The following LRRC4C variants were observed in gnomAD, a reference collection of about 807,000 sequenced individuals.
LRRC4C encodes leucine-rich repeat-containing protein 4C.
LRRC4C carries 5 observed loss-of-function variants against 33.6 expected under a neutral mutation model. That is an observed-to-expected ratio of 0.15 (90% CI 0.08 to 0.31). LRRC4C has a LOEUF of 0.31. Among genes scored for constraint, LRRC4C ranks in the 10% least tolerant of loss-of-function variants. The pLI is 1.00. For missense variants in LRRC4C, 560 were observed against 796.7 expected, an observed-to-expected ratio of 0.70 and a Z score of 3.58; for synonymous variants, 329 against 302.0, an observed-to-expected ratio of 1.09 and a Z score of -0.93.
intron 4 of LRRC4C, among the ~76,000 whole-genome samples, chr11:40,245,838 C>T (rs1302459115): frequency 6.6e-6 from 1 of 151,808 alleles, no homozygotes; most frequent in African/African-American, 2.4e-5. Flanking sequence ...TAAAGGCATA[C>T]TATTTTTATA....
At chr11:41,100,335 A>T (rs1279534543) in intron 1 of LRRC4C, among the ~76,000 whole-genome samples, 2 of 151,978 alleles carry the variant, frequency 1.3e-5, no homozygotes, top group Non-Finnish European at 2.9e-5. Flanking sequence ...GGGAGGCCCG[A>T]GGTGGGTGGA....
chr11:40,915,269 G>C (rs563356090), intron 2 of LRRC4C, among the ~76,000 whole-genome samples: 1 of 152,228 alleles, frequency 6.6e-6, no homozygotes, highest in East Asian at 1.9e-4. Context: ...CAAAGCTGGA[G>C]GCATCACTCT....
intron 1 of LRRC4C, among the ~76,000 whole-genome samples, chr11:41,284,553 C>A (rs1949764897): frequency 6.6e-6 from 1 of 152,208 alleles, no homozygotes; most frequent in African/African-American, 2.4e-5. Context: ...CCACTGACAG[C>A]ACACTTCATT....
chr11:41,411,140 C>CTTTTTTT (rs1249968357), intron 1 of LRRC4C, among the ~76,000 whole-genome samples: 9 of 49,908 alleles, frequency 1.8e-4, no homozygotes, highest in Admixed American at 3.3e-4. Context: ...GGTTGGTACC[C>CTTTTTTT]TATTTTTTTT....
At chr11:41,104,911 C>T (rs1256486626) in intron 1 of LRRC4C, among the ~76,000 whole-genome samples, 5 of 151,646 alleles carry the variant, frequency 3.3e-5, no homozygotes, top group Non-Finnish European at 2.9e-5. Context: ...AGAAAATAGA[C>T]TATTGGTTGC....
intron 2 of LRRC4C, among the ~76,000 whole-genome samples, chr11:40,704,597 G>A (rs900101679): frequency 6.6e-6 from 1 of 152,108 alleles, no homozygotes; most frequent in African/African-American, 2.4e-5. Context: ...AACCCTGTTA[G>A]TTTTTGATGG....
At chr11:40,433,063 A>G (rs569952633) in intron 3 of LRRC4C, among the ~76,000 whole-genome samples, 7 of 152,182 alleles carry the variant, frequency 4.6e-5, no homozygotes, top group Admixed American at 6.5e-5. Flanking sequence ...TAAACCACAT[A>G]TATCTCCAAA....
At chr11:41,079,040 CT>C (rs1270626160) in intron 1 of LRRC4C, among the ~76,000 whole-genome samples, 2 of 152,276 alleles carry the variant, frequency 1.3e-5, no homozygotes, top group South Asian at 2.1e-4. Flanking sequence ...TAATTTGTCT[CT>C]TATTCTCAAA....
intron 3 of LRRC4C, among the ~76,000 whole-genome samples, chr11:40,537,869 A>C (rs567041854): frequency 1.3e-5 from 2 of 152,124 alleles, no homozygotes; most frequent in African/African-American, 4.8e-5. Flanking sequence ...AAAGCTAGTA[A>C]ATTCCTGAGT....
At chr11:40,759,212 T>TAA (rs1328298615) in intron 2 of LRRC4C, among the ~76,000 whole-genome samples, 1 of 147,054 alleles carries the variant, frequency 6.8e-6, no homozygotes, top group African/African-American at 2.5e-5. Context: ...ATAATATATA[T>TAA]AATCGTCCAT....
At chr11:41,254,326 A>C (rs1445723041) in intron 1 of LRRC4C, among the ~76,000 whole-genome samples, 1 of 152,002 alleles carries the variant, frequency 6.6e-6, no homozygotes, top group African/African-American at 2.4e-5. Flanking sequence ...TCATTGGTCT[A>C]CGTGGATCAA....
intron 2 of LRRC4C, among the ~76,000 whole-genome samples, chr11:40,885,328 C>T (rs4756623): frequency 6.6e-6 from 1 of 151,858 alleles, no homozygotes; most frequent in Non-Finnish European, 1.5e-5. Flanking sequence ...CAGATCTGAG[C>T]TCGATAAGGA....
At chr11:41,277,433 C>A (rs1949519540) in intron 1 of LRRC4C, among the ~76,000 whole-genome samples, 1 of 152,076 alleles carries the variant, frequency 6.6e-6, no homozygotes, top group African/African-American at 2.4e-5. Context: ...TCTAGAACTT[C>A]TAGAAATAAT....
chr11:40,920,554 G>T (rs1257558851), intron 2 of LRRC4C, among the ~76,000 whole-genome samples: 1 of 152,046 alleles, frequency 6.6e-6, no homozygotes, highest in East Asian at 1.9e-4. Context: ...TTTGTAGCTA[G>T]GAAAGCATAC....
chr11:41,107,080 T>G (rs1212394054), intron 1 of LRRC4C, among the ~76,000 whole-genome samples: 3 of 148,494 alleles, frequency 2.0e-5, no homozygotes, highest in Non-Finnish European at 4.5e-5. Context: ...TTTTTTGAAT[T>G]TTGGAATGTG....
chr11:40,206,385 G>T (rs999228275), intron 5 of LRRC4C, among the ~76,000 whole-genome samples: 1 of 149,596 alleles, frequency 6.7e-6, no homozygotes, highest in Non-Finnish European at 1.5e-5. Flanking sequence ...ACAGGCACCT[G>T]CCATCATGCC....
intron 1 of LRRC4C, among the ~76,000 whole-genome samples, chr11:41,369,649 G>C (rs545904071): frequency 2.0e-5 from 3 of 152,128 alleles, no homozygotes; most frequent in Admixed American, 6.6e-5. Context: ...TTTGAGTATT[G>C]TTGAGAACTG....
intron 3 of LRRC4C, among the ~76,000 whole-genome samples, chr11:40,527,774 G>C (rs1316628054): frequency 6.6e-6 from 1 of 151,014 alleles, no homozygotes; most frequent in Non-Finnish European, 1.5e-5. Context: ...TTTTGGCAGA[G>C]TGTCACTCTT....
In LRRC4C at chr11:40,321,845, C is replaced by T. The variant is rs1165257601; in HGVS notation, c.-269-2124G>A. Among the ~76,000 whole-genome samples the T allele has an allele frequency of 2.6e-5, 4 of 152,190 alleles. No homozygotes were observed. The East Asian group carries it at 7.7e-4, about 29-fold the overall frequency. On this transcript the variant is annotated intron_variant, in intron 3 of 6. Coordinates refer to ENST00000528697, the MANE Select transcript of LRRC4C (RefSeq NM_001258419.2). Reference sequence around the variant, plus strand: ...TCAGGGGAACAAAATGATGTCTCCTCCTTCTTTCAATCTGAGTTTTCTACT... The same window carrying T: ...TCAGGGGAACAAAATGATGTCTCCTTCTTCTTTCAATCTGAGTTTTCTACT...
Sources: allele counts gnomAD v4.1 joint callset (sites outside exome capture counted in the v4.1 genomes callset), GRCh38; gene constraint gnomAD v4.1.1; transcripts MANE v1.5; gene names NCBI Gene and HGNC (gene_info 2026-07-23, HGNC 2026-07-21).